RGS20: variants seen among roughly 807,000 people sequenced by gnomAD.
The protein encoded by RGS20 is gz-selective GTPase-activating protein.
RGS20 carries 30 observed loss-of-function variants against 33.6 expected under a neutral mutation model. That is an observed-to-expected ratio of 0.89 (90% CI 0.67 to 1.21). RGS20 has a LOEUF of 1.21. Ranked by LOEUF, RGS20 falls within the 50% of genes most tolerant of loss-of-function variation. The pLI is 0.00. For synonymous variants in RGS20, 208 were observed against 197.9 expected, an observed-to-expected ratio of 1.05 and a Z score of -0.43; for missense variants, 472 against 502.4, an observed-to-expected ratio of 0.94 and a Z score of 0.58.
chr8:53,857,809 C>CG (rs1811711766), intron 1 of RGS20, among the ~76,000 whole-genome samples: 1 of 152,040 alleles, frequency 6.6e-6, no homozygotes, highest in African/African-American at 2.4e-5. Flanking sequence ...CAAAACACTT[C>CG]TGGTTCCAAA....
At chr8:53,939,750 T>C in intron 3 of RGS20, 26 bp downstream of exon 2, 3 of 1,540,540 alleles carry the variant, frequency 1.9e-6, no homozygotes, top group Non-Finnish European at 2.6e-6. Flanking sequence ...TTTTAATGAA[T>C]GTGCTCCTGA....
At position 53,941,994 on chromosome 8, in the gene RGS20, C is replaced by T. The variant is rs557716009; in HGVS notation, c.659+2270C>T. Among the ~76,000 whole-genome samples the T allele has an allele frequency of 1.1e-3, 162 of 152,278 alleles. 1 individual carries two copies. The highest frequency in any genetic ancestry group is 3.7e-3 in the African/African-American group (153 of 41,564). On this transcript the variant is annotated intron_variant, in intron 3 of 5. Coordinates refer to ENST00000297313, the MANE Select transcript of RGS20 (RefSeq NM_170587.4). ...ATTCCCACCTTAAAAAAAAGATCAG[C>T]TGGGTGCGGTGGCTCACGCCTGTAA...
At chr8:53,945,559 C>T (rs1814450739) in intron 3 of RGS20, among the ~76,000 whole-genome samples, 1 of 152,116 alleles carries the variant, frequency 6.6e-6, no homozygotes, top group African/African-American at 2.4e-5. Flanking sequence ...ATACTAAAAA[C>T]CACTGAATTG....
intron 1 of RGS20, among the ~76,000 whole-genome samples, chr8:53,860,753 G>A (rs191575323): frequency 3.5e-4 from 54 of 152,298 alleles, no homozygotes; most frequent in Admixed American, 3.1e-3. Flanking sequence ...ATCACTTGAC[G>A]TCAGGAGTTC....
At position 53,958,485 on chromosome 8, in the gene RGS20, T is replaced by C; in HGVS notation, c.*27T>C. On this transcript the variant is annotated 3_prime_UTR_variant, in exon 6 of 6. Transcript: ENST00000297313. ...ATTTTTCAAATATATTTATTATTAA[T>C]AAAATAATAAAAGAATTCATGGGCT... 1 of 1,225,046 alleles carries C rather than the reference T, an allele frequency of 8.2e-7. No homozygotes were observed. Among genetic ancestry groups the C allele is most frequent in the South Asian group, 2.4e-5 (1 of 41,430 alleles). 75.9% of individuals were successfully genotyped at this position (1,225,046 alleles called of 1,614,324 possible).
Position 53,877,639 on chromosome 8 carries a change from G to A in RGS20, c.166-1619G>A, listed in dbSNP as rs1014380273. On this transcript the variant is annotated intron_variant, in intron 1 of 5. Transcript: ENST00000297313. The surrounding 1 kb of genome is among the most constrained non-coding windows in gnomAD (Gnocchi z 5.7). Reference sequence around the variant, plus strand: ...CCCCTAAAATAAAAGCACCTTGCCAGAGAGCGGGGGAGGGGAGCAGCTGAA... The same window carrying A: ...CCCCTAAAATAAAAGCACCTTGCCAAAGAGCGGGGGAGGGGAGCAGCTGAA... Among the ~76,000 whole-genome samples the A allele has an allele frequency of 1.3e-5, 2 of 152,214 alleles. No individual in the cohort carries two copies. The highest frequency in any genetic ancestry group is 4.8e-5 in the African/African-American group (2 of 41,452).
At position 53,937,881 on chromosome 8, in the gene RGS20, A is replaced by G. The variant is rs181659410; in HGVS notation, c.511-1695A>G. Among the ~76,000 whole-genome samples, 70 of 152,350 alleles carry G rather than the reference A, an allele frequency of 4.6e-4. 1 individual carries two copies. Among genetic ancestry groups the G allele is most frequent in the Non-Finnish European group, 8.8e-5 (6 of 68,028 alleles). On this transcript the variant is annotated intron_variant, in intron 2 of 5. Transcript: ENST00000297313. ...ATGGCAATGATTAAAAAGTTAGGTA[A>G]CAACAGATGCTGGAGAGGATGTGGA...
chr8:53,934,902 C>T (rs1814084742), intron 2 of RGS20, among the ~76,000 whole-genome samples: 3 of 152,144 alleles, frequency 2.0e-5, no homozygotes, highest in Admixed American at 2.0e-4. Flanking sequence ...GAAATCACAA[C>T]AAACAGTCTC....
chr8:53,953,567 C>T (rs955489964), intron 4 of RGS20, among the ~76,000 whole-genome samples: 5 of 151,850 alleles, frequency 3.3e-5, no homozygotes, highest in African/African-American at 9.7e-5. Context: ...GACAGTACAG[C>T]GGTGGCATTT....
In RGS20 at chr8:53,949,077, ATATAAGATACAGTATATATTTATATATGC is replaced by A. The variant is rs1814627066; in HGVS notation, c.743+2334_743+2362del. ...GATACAGTATATATTTATATATGCT[ATATAAGATACAGTATATATTTATATATGC>A]TATATAAGATACAGTATATATTTAT... On this transcript the variant is annotated intron_variant, in intron 4 of 5. Transcript: ENST00000297313. 1.1e-4 allele frequency among the ~76,000 whole-genome samples: 2 copies of A among 17,502 alleles called. 1 individual carries two copies. Among genetic ancestry groups the A allele is most frequent in the East Asian group, 2.1e-3 (2 of 962 alleles). The allele number at this position is 17,502 out of a possible 152,430, so 11.5% of individuals were successfully genotyped here. A position where few individuals can be genotyped will look rare whatever the true frequency, so the allele number is the denominator to read the frequency against.
At chr8:53,882,953 C>T (rs1812438162) in intron 2 of RGS20, among the ~76,000 whole-genome samples, 1 of 152,194 alleles carries the variant, frequency 6.6e-6, no homozygotes, top group Non-Finnish European at 1.5e-5. Flanking sequence ...ATTGACTAAA[C>T]AAATGTTCAA....
chr8:53,923,524 G>A (rs972240265), intron 2 of RGS20, among the ~76,000 whole-genome samples: 12 of 152,046 alleles, frequency 7.9e-5, no homozygotes, highest in African/African-American at 2.4e-4. Flanking sequence ...GAGCCCGGGA[G>A]GCAAAGGTTG....
Position 53,921,328 on chromosome 8 carries a change from C to T in RGS20, c.511-18248C>T, listed in dbSNP as rs978513158. Among the ~76,000 whole-genome samples, 3 of 152,032 alleles carry T rather than the reference C, an allele frequency of 2.0e-5. No homozygotes were observed. In the East Asian group the frequency reaches 5.8e-4, roughly 29 times the overall value. On this transcript the variant is annotated intron_variant, in intron 2 of 5. Transcript: ENST00000297313. ...CTCAGAGAATAAGTTGGGAAGTATT[C>T]ACTCCCCTTCCATTTTTTGGAACAG...
intron 3 of RGS20, among the ~76,000 whole-genome samples, chr8:53,940,887 C>A (rs866565764): frequency 6.6e-6 from 1 of 152,080 alleles, no homozygotes; most frequent in African/African-American, 2.4e-5. Context: ...CAGGGCCTGC[C>A]CTAAAGGAGG....
At chr8:53,904,351 C>T (rs1408965421) in intron 2 of RGS20, among the ~76,000 whole-genome samples, 3 of 152,058 alleles carry the variant, frequency 2.0e-5, no homozygotes, top group East Asian at 1.9e-4. Context: ...AGGCTGGTCT[C>T]GAACTCCTGA....
rs541670526 is a variant in RGS20, at chr8:53,889,914, G to T, written c.510+10312G>T. Among the ~76,000 whole-genome samples the T allele has an allele frequency of 5.3e-5, 8 of 152,168 alleles. No individual in the cohort carries two copies. In the East Asian group the frequency reaches 1.5e-3, roughly 29 times the overall value. ...TTTCTCTCATTTTTGACTTACCACA[G>T]TGAATATAATGTGCCTATATGTGGT... On this transcript the variant is annotated intron_variant, in intron 2 of 5. Coordinates refer to ENST00000297313, the MANE Select transcript of RGS20 (RefSeq NM_170587.4).
chr8:53,875,429 C>CAA (rs755991643), intron 1 of RGS20, among the ~76,000 whole-genome samples: 576 of 55,554 alleles, frequency 0.01, 4 homozygotes, highest in African/African-American at 0.022. Context: ...AAGACTCTGT[C>CAA]AAAAAAAAAA....
At chr8:53,933,196 T>A (rs1267869143) in intron 2 of RGS20, among the ~76,000 whole-genome samples, 1 of 152,058 alleles carries the variant, frequency 6.6e-6, no homozygotes. Context: ...AACCAGAATG[T>A]CTCTTCTACT....
At chr8:53,854,446 G>A (rs1302419043) in intron 1 of RGS20, among the ~76,000 whole-genome samples, 3 of 152,072 alleles carry the variant, frequency 2.0e-5, no homozygotes, top group Non-Finnish European at 2.9e-5. Flanking sequence ...AAGAGAATAT[G>A]CAGATGGCAA....
Sources: gnomAD v4.1 joint callset for allele counts (sites outside exome capture counted in the v4.1 genomes callset) on GRCh38, gnomAD v4.1.1 for gene constraint, Gnocchi (gnomAD v3.1) non-coding constraint, MANE v1.5 for transcripts, NCBI Gene and HGNC (gene_info 2026-07-23, HGNC 2026-07-21) for gene names.